Variants in DOCK1 observed in about 807,000 individuals in gnomAD.
DOCK1 encodes dedicator of cytokinesis protein 1.
Under a neutral mutation model 262.7 loss-of-function variants are expected in DOCK1, and 138 were observed. That is an observed-to-expected ratio of 0.53 (90% CI 0.46 to 0.61). The LOEUF (loss-of-function observed/expected upper bound fraction) is 0.61. Among genes scored for constraint, DOCK1 ranks in the 20% least tolerant of loss-of-function variants. DOCK1 has a pLI of 0.00. For synonymous variants in DOCK1, 866 were observed against 867.4 expected (o/e 1.00, Z 0.03); for missense variants, 1,908 against 2,370.7 (o/e 0.80, Z 4.05).
chr10:126,967,753 TTGTGA>T (rs1488605875), intron 1 of DOCK1, among the ~76,000 whole-genome samples: 3 of 152,140 alleles, frequency 2.0e-5, no homozygotes, highest in African/African-American at 4.8e-5. Context: ...ATAAGGACCT[TTGTGA>T]TTACATTGGG....
At chr10:127,432,525 C>T (rs1388106255) in intron 47 of DOCK1, among the ~76,000 whole-genome samples, 1 of 152,132 alleles carries the variant, frequency 6.6e-6, no homozygotes, top group Non-Finnish European at 1.5e-5. Context: ...TGTGCAGCAG[C>T]TGCAGTCCCA....
chr10:127,149,982 A>T (rs2052330908), intron 27 of DOCK1, among the ~76,000 whole-genome samples: 1 of 152,152 alleles, frequency 6.6e-6, no homozygotes, highest in African/African-American at 2.4e-5. Context: ...CCTGAGCTAT[A>T]CTTTCCCCTG....
chr10:127,395,312 G>A (rs78774264), intron 38 of DOCK1, among the ~76,000 whole-genome samples: 8,147 of 152,148 alleles, frequency 0.054, 306 homozygotes, highest in African/African-American at 0.11. Context: ...CACATAAGTA[G>A]TGCCTTCTCT....
At chr10:127,404,187 C>A (rs1049377270) in intron 39 of DOCK1, 138 bp from the exon 40 acceptor site, 231 of 627,130 alleles carry the variant, frequency 3.7e-4, no homozygotes, top group Non-Finnish European at 2.3e-4. Flanking sequence ...TACCCTCTCC[C>A]ACCATCTCCC....
At chr10:127,083,365 G>A (rs562974514) in intron 23 of DOCK1, among the ~76,000 whole-genome samples, 1 of 152,166 alleles carries the variant, frequency 6.6e-6, no homozygotes, top group South Asian at 2.1e-4. Context: ...TCCTTGGTGG[G>A]GCATTGTCTG....
Position 127,380,120 on chromosome 10 carries a change from A to G in DOCK1, c.3714A>G (p.Ile1238Met). Reference sequence around the variant, plus strand: ...AAATTGAAAGAGAAGAAATGTATATAAGGTATGTATGCATCACGCTTGTCT... The same window carrying G: ...AAATTGAAAGAGAAGAAATGTATATGAGGTATGTATGCATCACGCTTGTCT... ...YKEIEREEMY[I>M]RYLYKLCDLH... Residue 1238 changes from isoleucine to methionine, a missense_variant and splice_region_variant, in exon 36 of 52, where the codon ATA becomes ATG. By Grantham distance (10) the Ile-to-Met change is conservative. This residue lies in a region of DOCK1 where 267 missense variants were observed against 366.3 expected (regional missense o/e 0.73). Transcript: ENST00000623213. 6.6e-7 allele frequency: 1 copy of G among 1,512,172 alleles called. No individual in the cohort carries two copies. Among genetic ancestry groups the G allele is most frequent in the Non-Finnish European group, 9.0e-7 (1 of 1,115,202 alleles). 93.7% of individuals were successfully genotyped at this position (1,512,172 alleles called of 1,614,324 possible).
At chr10:127,154,215 C>T (rs894690982) in intron 27 of DOCK1, among the ~76,000 whole-genome samples, 1 of 152,140 alleles carries the variant, frequency 6.6e-6, no homozygotes, top group African/African-American at 2.4e-5. Context: ...TGTTTCAATG[C>T]AGATTTATGG....
intron 40 of DOCK1, 48 bp downstream of exon 40, chr10:127,404,477 G>C (rs772694590): frequency 8.1e-5 from 127 of 1,561,122 alleles, no homozygotes; most frequent in Non-Finnish European, 1.1e-4. Context: ...TCCCCCAGCA[G>C]AAAATCCCCT....
intron 29 of DOCK1, among the ~76,000 whole-genome samples, chr10:127,306,075 T>C (rs998981976): frequency 8.0e-5 from 12 of 149,632 alleles, no homozygotes; most frequent in Non-Finnish European, 1.3e-4. Context: ...AGTGCAGTGG[T>C]GCGATCTCAG....
At chr10:127,302,309 G>A (rs559226617) in intron 29 of DOCK1, among the ~76,000 whole-genome samples, 2 of 152,092 alleles carry the variant, frequency 1.3e-5, no homozygotes, top group Non-Finnish European at 2.9e-5. Context: ...GAGCAGAGTC[G>A]TGTGCAGACC....
intron 1 of DOCK1, among the ~76,000 whole-genome samples, chr10:126,927,049 G>T (rs1464589005): frequency 6.6e-6 from 1 of 152,202 alleles, no homozygotes; most frequent in Non-Finnish European, 1.5e-5. Flanking sequence ...TAGGCTTTTA[G>T]TGCTCACTTC....
rs1464702167 is a variant in DOCK1 at position 126,959,264 on chromosome 10, C to T, written c.47-11438C>T. ...TAGGGTCTGGAATAAAAAGATCTAG[C>T]TATGTTAATAGAGATTCTTTACAGA... On this transcript the variant is annotated intron_variant, in intron 1 of 51. Transcript: ENST00000623213. 2.6e-5 allele frequency among the ~76,000 whole-genome samples: 4 copies of T among 152,282 alleles called. 1 individual carries two copies. Among genetic ancestry groups the T allele is most frequent in the African/African-American group, 9.6e-5 (4 of 41,558 alleles).
At chr10:127,008,586 A>G in intron 10 of DOCK1, 146 bp from the exon 11 acceptor site, 1 of 723,872 alleles carries the variant, frequency 1.4e-6, no homozygotes, top group Non-Finnish European at 2.4e-6. Context: ...TTTGTCTTTC[A>G]AGCATGGAAA....
chr10:127,305,508 A>G (rs1057127712), intron 29 of DOCK1, among the ~76,000 whole-genome samples: 5 of 152,172 alleles, frequency 3.3e-5, no homozygotes, highest in African/African-American at 1.2e-4. Flanking sequence ...TTGGATATAC[A>G]TGATCTGGTC....
chr10:127,114,900 G>A (rs1399684329), intron 25 of DOCK1, among the ~76,000 whole-genome samples: 1 of 151,962 alleles, frequency 6.6e-6, no homozygotes, highest in African/African-American at 2.4e-5. Context: ...GGTACTACAG[G>A]CGCATGCCAC....
intron 38 of DOCK1, among the ~76,000 whole-genome samples, chr10:127,402,048 A>C (rs2067255915): frequency 6.6e-6 from 1 of 152,174 alleles, no homozygotes; most frequent in South Asian, 2.1e-4. Flanking sequence ...GCATATAGGA[A>C]GCTTTCCTGA....
intron 5 of DOCK1, among the ~76,000 whole-genome samples, chr10:126,988,629 C>T (rs1307465007): frequency 6.6e-6 from 1 of 152,168 alleles, no homozygotes; most frequent in Non-Finnish European, 1.5e-5. Flanking sequence ...AGTTGATGCT[C>T]ATAGTCAGTG....
intron 13 of DOCK1, among the ~76,000 whole-genome samples, chr10:127,021,730 G>T (rs2042437371): frequency 6.6e-6 from 1 of 152,154 alleles, no homozygotes; most frequent in African/African-American, 2.4e-5. Flanking sequence ...AGCTACTGTG[G>T]CTGTGGTGGC....
chr10:126,906,983 A>G (rs1042395528), intron 1 of DOCK1, among the ~76,000 whole-genome samples: 1 of 152,154 alleles, frequency 6.6e-6, no homozygotes, highest in Non-Finnish European at 1.5e-5. Flanking sequence ...CCCATTTTGC[A>G]GATGAGGAAA....
Sources: allele counts gnomAD v4.1 joint callset (sites outside exome capture counted in the v4.1 genomes callset), GRCh38; gene constraint gnomAD v4.1.1; regional missense constraint gnomAD v4.1.1; transcripts MANE v1.5; gene names NCBI Gene and HGNC (gene_info 2026-07-23, HGNC 2026-07-21).